The following SH3BGRL2 variants were observed in gnomAD, a reference collection of about 807,000 sequenced individuals.
SH3BGRL2 encodes SH3 domain-binding glutamic acid-rich-like protein 2.
A neutral mutation model predicts 14.8 loss-of-function variants in SH3BGRL2; 21 were observed. The ratio of observed to expected loss-of-function variants is 1.42; its 90% CI spans 1.01 to 2.05. The LOEUF (loss-of-function observed/expected upper bound fraction) is 2.05. Among genes scored for constraint, SH3BGRL2 ranks in the 30% most tolerant of loss-of-function variants. The pLI is 0.00. For missense variants in SH3BGRL2, 147 were observed against 130.8 expected (o/e 1.12, Z -0.61); for synonymous variants, 50 against 47.8 (o/e 1.05, Z -0.19).
At chr6:79,599,299 A>G in the SH3BGRL2 span, among the ~76,000 whole-genome samples, 3 of 152,068 alleles carry the variant, frequency 2.0e-5, no homozygotes, top group Admixed American at 6.6e-5. Context: ...AACAACTTGT[A>G]TACTCTATGA....
intron 1 of SH3BGRL2, among the ~76,000 whole-genome samples, chr6:79,642,645 T>A (rs1245756256): frequency 1.3e-5 from 2 of 152,176 alleles, no homozygotes; most frequent in Admixed American, 1.3e-4. Flanking sequence ...TGCCTTAAAC[T>A]TCATGTATTT....
At chr6:79,588,963 G>A in the SH3BGRL2 span, among the ~76,000 whole-genome samples, 983 of 152,134 alleles carry the variant, frequency 6.5e-3, 6 homozygotes, top group Non-Finnish European at 0.012. Flanking sequence ...AGTATCTCTA[G>A]GGGGTTGGTT....
chr6:79,648,904 A>G (rs1769223177), intron 1 of SH3BGRL2, among the ~76,000 whole-genome samples: 2 of 152,188 alleles, frequency 1.3e-5, no homozygotes, highest in South Asian at 4.1e-4. Context: ...TGTGTTATTA[A>G]AGATAACTTT....
intron 2 of SH3BGRL2, among the ~76,000 whole-genome samples, chr6:79,677,228 G>A (rs552080536): frequency 3.3e-5 from 5 of 152,236 alleles, no homozygotes; most frequent in South Asian, 2.1e-4. Flanking sequence ...ACCACATTGC[G>A]AGTGACACGA....
chr6:79,674,665 A>G (rs553429599), intron 2 of SH3BGRL2, among the ~76,000 whole-genome samples: 3 of 152,362 alleles, frequency 2.0e-5, no homozygotes, highest in Non-Finnish European at 2.9e-5. Context: ...GGTGGCTTCA[A>G]AGAAAACAAT....
intron 1 of SH3BGRL2, among the ~76,000 whole-genome samples, chr6:79,667,083 C>T (rs368289475): frequency 7.9e-5 from 12 of 152,274 alleles, no homozygotes; most frequent in African/African-American, 2.6e-4. Flanking sequence ...AAGCTTTATG[C>T]AGATTATATT....
At chr6:79,581,225 T>C in the SH3BGRL2 span, among the ~76,000 whole-genome samples, 1 of 152,184 alleles carries the variant, frequency 6.6e-6, no homozygotes, top group Non-Finnish European at 1.5e-5. Flanking sequence ...GAGAAGCTGG[T>C]ACCATTCCTT....
chr6:79,639,487 G>A (rs956765252), intron 1 of SH3BGRL2, among the ~76,000 whole-genome samples: 2 of 152,086 alleles, frequency 1.3e-5, no homozygotes, highest in African/African-American at 2.4e-5. Context: ...TACTTGGGGG[G>A]CTGAGGCAGG....
At chr6:79,685,690 G>C (rs1770077900) in intron 2 of SH3BGRL2, among the ~76,000 whole-genome samples, 1 of 151,652 alleles carries the variant, frequency 6.6e-6, no homozygotes, top group Non-Finnish European at 1.5e-5. Context: ...TATGTATATT[G>C]TTATAATTAT....
intron 1 of SH3BGRL2, among the ~76,000 whole-genome samples, chr6:79,659,522 G>A (rs923492450): frequency 1.3e-5 from 2 of 152,210 alleles, no homozygotes; most frequent in African/African-American, 4.8e-5. Flanking sequence ...CCAGTACCAT[G>A]CTGTTTTGGT....
At chr6:79,548,614 C>T in the SH3BGRL2 span, among the ~76,000 whole-genome samples, 1,043 of 152,266 alleles carry the variant, frequency 6.8e-3, 15 homozygotes, top group African/African-American at 0.023. Context: ...ACCACAAGGA[C>T]GGGAATTCTT....
the SH3BGRL2 span, chr6:79,553,175 C>A: frequency 6.6e-6 from 1 of 152,136 alleles, no homozygotes; most frequent in African/African-American, 2.4e-5. Flanking sequence ...AGTTAAGGAA[C>A]AAAGTTAACA....
chr6:79,662,764 C>G (rs886964547), intron 1 of SH3BGRL2, among the ~76,000 whole-genome samples: 1 of 152,124 alleles, frequency 6.6e-6, no homozygotes, highest in Non-Finnish European at 1.5e-5. Flanking sequence ...TCCATTCTCC[C>G]CATCACTTTC....
At chr6:79,681,758 A>G (rs1769992040) in intron 2 of SH3BGRL2, among the ~76,000 whole-genome samples, 1 of 152,114 alleles carries the variant, frequency 6.6e-6, no homozygotes, top group South Asian at 2.1e-4. Flanking sequence ...TCTTTTTTTA[A>G]GCATAAAGAA....
At chr6:79,645,872 T>A (rs886384103) in intron 1 of SH3BGRL2, among the ~76,000 whole-genome samples, 2 of 152,190 alleles carry the variant, frequency 1.3e-5, no homozygotes, top group East Asian at 3.9e-4. Flanking sequence ...ATGTGCTTGG[T>A]GCTAGCATGG....
the SH3BGRL2 span, among the ~76,000 whole-genome samples, chr6:79,567,243 C>A: frequency 6.6e-6 from 1 of 152,036 alleles, no homozygotes; most frequent in Non-Finnish European, 1.5e-5. Context: ...GAAACTAAAT[C>A]TTCAGAAAAA....
At chr6:79,556,684 T>A in the SH3BGRL2 span, among the ~76,000 whole-genome samples, 8 of 151,912 alleles carry the variant, frequency 5.3e-5, no homozygotes, top group African/African-American at 1.9e-4. Flanking sequence ...AAACAAAACC[T>A]GTAATATACA....
chr6:79,593,977 A>T, the SH3BGRL2 span, among the ~76,000 whole-genome samples: 31,390 of 150,694 alleles, frequency 0.21, 3,470 homozygotes, highest in African/African-American at 0.23. Context: ...GTGAGCTGAG[A>T]TAGTGCCACT....
the SH3BGRL2 span, among the ~76,000 whole-genome samples, chr6:79,607,801 C>T: frequency 9.2e-5 from 14 of 152,156 alleles, no homozygotes; most frequent in South Asian, 1.0e-3. Flanking sequence ...AAAAATTAGT[C>T]GGGCGTGGTG....
Sources: allele counts gnomAD v4.1 joint callset (sites outside exome capture counted in the v4.1 genomes callset), GRCh38; gene constraint gnomAD v4.1.1; transcripts MANE v1.5; gene names NCBI Gene and HGNC (gene_info 2026-07-23, HGNC 2026-07-21).